ZNF510: variants seen among roughly 807,000 people sequenced by gnomAD.
ZNF510 encodes the protein zinc finger protein 510.
Under a neutral mutation model 18.1 loss-of-function variants are expected in ZNF510, and 15 were observed. The ratio of observed to expected loss-of-function variants is 0.83; its 90% CI spans 0.55 to 1.28. ZNF510 has a LOEUF of 1.28. Ranked by LOEUF, ZNF510 falls within the 50% of genes most tolerant of loss-of-function variation. The pLI, the probability that ZNF510 is intolerant of heterozygous loss-of-function variation, is 0.00. For synonymous variants in ZNF510, 261 were observed against 266.4 expected (o/e 0.98, Z 0.20); for missense variants, 724 against 791.8 (o/e 0.91, Z 1.03).
At chr9:96,776,480 A>G (rs1849706695) in intron 1 of ZNF510, among the ~76,000 whole-genome samples, 1 of 152,122 alleles carries the variant, frequency 6.6e-6, no homozygotes, top group Admixed American at 6.5e-5. Flanking sequence ...TGTGACAATC[A>G]GAAACGTCTC....
intron 5 of ZNF510, 108 bp downstream of exon 5, chr9:96,763,010 T>G (rs1389044039): frequency 1.1e-6 from 1 of 887,530 alleles, no homozygotes; most frequent in African/African-American, 1.6e-5. Flanking sequence ...TTTTTGTGCC[T>G]TTAGGCTTTC....
rs41281908 is a variant in ZNF510, at chr9:96,760,389, T to A, written c.441A>T (p.Thr147=). 3.1e-6 allele frequency: 5 copies of A among 1,613,624 alleles called. No homozygotes were observed. Among genetic ancestry groups the A allele is most frequent in the Admixed American group, 3.3e-5 (2 of 59,984 alleles). Reference sequence around the variant, plus strand: ...AAACTTTCTCTTCCTCTGTAGTCAATGTTTTATTATTGATACATATTGCTT... The same window carrying A: ...AAACTTTCTCTTCCTCTGTAGTCAAAGTTTTATTATTGATACATATTGCTT... ...LEQAICINNK[T]LTTEEEKVLG... The change falls in exon 6 of 6, where the codon ACA becomes ACT. Residue 147 remains threonine, a synonymous_variant. Transcript: ENST00000223428.
chr9:96,767,218 C>T (rs951868700), intron 3 of ZNF510, among the ~76,000 whole-genome samples: 1 of 152,054 alleles, frequency 6.6e-6, no homozygotes, highest in African/African-American at 2.4e-5. Context: ...ATCCCAGCTA[C>T]TCGGGTGTCT....
chr9:96,770,592 A>G (rs1489437573), intron 3 of ZNF510, among the ~76,000 whole-genome samples: 1 of 145,280 alleles, frequency 6.9e-6, no homozygotes, highest in Non-Finnish European at 1.5e-5. Context: ...GACAAGAGCA[A>G]AACTCTGTCT....
chr9:96,769,195 G>A lies in ZNF510; in HGVS notation c.130-5563C>T, dbSNP rs1849536200. On this transcript the variant is annotated intron_variant, in intron 3 of 5. Coordinates refer to ENST00000223428, the MANE Select transcript of ZNF510 (RefSeq NM_014930.3). ...CACACCTGTAATCCCAGCACTTTAG[G>A]AGGCTGAGGCAGACAGATCACTTGA... Among the ~76,000 whole-genome samples, 8 of 152,198 alleles carry A rather than the reference G, an allele frequency of 5.3e-5. No individual in the cohort carries two copies. The South Asian group carries it at 1.7e-3, about 32-fold the overall frequency.
intron 5 of ZNF510, among the ~76,000 whole-genome samples, chr9:96,762,786 T>G (rs1391810276): frequency 1.3e-5 from 2 of 152,220 alleles, no homozygotes; most frequent in Non-Finnish European, 2.9e-5. Flanking sequence ...GTTCAATGTT[T>G]TTGCCCATTT....
chr9:96,760,507 G>A, intron 5 of ZNF510, 30 bp from the exon 6 acceptor site: 1 of 1,552,304 alleles, frequency 6.4e-7, no homozygotes, highest in South Asian at 1.2e-5. Context: ...AACATCTTAT[G>A]ACTCTTACAT....
intron 5 of ZNF510, among the ~76,000 whole-genome samples, chr9:96,762,200 A>C (rs889211663): frequency 3.0e-5 from 4 of 135,370 alleles, no homozygotes; most frequent in African/African-American, 8.7e-5. Flanking sequence ...AAACCTGTGG[A>C]AATTAAAAAA....
At chr9:96,770,206 C>A (rs184774994) in intron 3 of ZNF510, among the ~76,000 whole-genome samples, 1 of 152,236 alleles carries the variant, frequency 6.6e-6, no homozygotes, top group African/African-American at 2.4e-5. Flanking sequence ...TATATCCACA[C>A]AATGGAATAT....
At position 96,756,137 on chromosome 9, in the gene ZNF510, A is replaced by G. The variant is rs982856105; in HGVS notation, c.*2641T>C. 3 of 152,154 alleles carry G rather than the reference A, an allele frequency of 2.0e-5. No individual in the cohort carries two copies. Among genetic ancestry groups the G allele is most frequent in the Admixed American group, 6.5e-5 (1 of 15,286 alleles). The allele number at this position is 152,154 out of a possible 1,614,324, so 9.4% of individuals were successfully genotyped here. On this transcript the variant is annotated 3_prime_UTR_variant, in exon 6 of 6. Transcript: ENST00000223428. Reference sequence around the variant, plus strand: ...TGACTTTTACCCCCACTGTACAAAGAAAGGGTGCTTTTTAATCTGTAATTT... The same window carrying G: ...TGACTTTTACCCCCACTGTACAAAGGAAGGGTGCTTTTTAATCTGTAATTT...
intron 1 of ZNF510, chr9:96,777,472 G>C (rs1206677114): frequency 6.6e-6 from 1 of 152,134 alleles, no homozygotes; most frequent in African/African-American, 2.4e-5. Context: ...AGAATTAAAC[G>C]AAATACTACA....
chr9:96,776,928 T>C (rs2118088309), intron 1 of ZNF510, among the ~76,000 whole-genome samples: 1 of 152,324 alleles, frequency 6.6e-6, no homozygotes, highest in East Asian at 1.9e-4. Context: ...CAGCCTCCAA[T>C]CACATCAACT....
At chr9:96,768,832 A>C (rs1410154185) in intron 3 of ZNF510, among the ~76,000 whole-genome samples, 2 of 152,204 alleles carry the variant, frequency 1.3e-5, no homozygotes, top group Non-Finnish European at 2.9e-5. Context: ...AGAAATGTTG[A>C]ACCTACAATT....
chr9:96,760,122 A>C lies in ZNF510; in HGVS notation c.708T>G (p.Asn236Lys), dbSNP rs61735010. The change falls in exon 6 of 6, where the codon AAT becomes AAG. Residue 236 changes from asparagine to lysine, a missense_variant. Physicochemically the swap from Asn to Lys is moderately conservative, Grantham distance 94 (BLOSUM62 0). Coordinates refer to ENST00000223428, the MANE Select transcript of ZNF510 (RefSeq NM_014930.3). ...GATGCTTGGGAAGATTTTCATTATA[A>C]TTGAGAGCTTTCATGTTTTTATTAT... ...YEHNKNMKALNYNENLPKHPK... is the reference protein window; with the variant it reads ...YEHNKNMKALKYNENLPKHPK... The C allele has an allele frequency of 4.1e-3, 6,596 of 1,609,856 alleles. 26 individuals are homozygous for C. Among genetic ancestry groups the C allele is most frequent in the Admixed American group, 8.6e-3 (507 of 59,088 alleles).
chr9:96,773,768 G>T (rs1317249928), intron 3 of ZNF510, among the ~76,000 whole-genome samples: 1 of 152,114 alleles, frequency 6.6e-6, no homozygotes, highest in Non-Finnish European at 1.5e-5. Flanking sequence ...TAGAGACAGG[G>T]TTTCACCACG....
chr9:96,771,233 A>G (rs1338007834), intron 3 of ZNF510, among the ~76,000 whole-genome samples: 13 of 152,230 alleles, frequency 8.5e-5, no homozygotes, highest in Admixed American at 7.9e-4. Context: ...ATTAATTGAA[A>G]TATTAACAAA....
chr9:96,765,085 C>T (rs1281893107), intron 3 of ZNF510, among the ~76,000 whole-genome samples: 1 of 151,878 alleles, frequency 6.6e-6, no homozygotes, highest in Non-Finnish European at 1.5e-5. Flanking sequence ...TGCACTCCAG[C>T]CTGGGTGACA....
chr9:96,757,916 A>C lies in ZNF510; in HGVS notation c.*862T>G, dbSNP rs1849233938. The C allele has an allele frequency of 6.6e-6, 1 of 152,094 alleles. No individual in the cohort carries two copies. The highest frequency in any genetic ancestry group is 2.4e-5 in the African/African-American group (1 of 41,466). The allele number at this position is 152,094 out of a possible 1,614,324, so 9.4% of individuals were successfully genotyped here. On this transcript the variant is annotated 3_prime_UTR_variant, in exon 6 of 6. Transcript: ENST00000223428. ...TGTCAAGTAAGTGACTAACTGGCAGATAGTGTATACACTGTGGATATGCTA... is the reference window on the plus strand; with the variant it reads ...TGTCAAGTAAGTGACTAACTGGCAGCTAGTGTATACACTGTGGATATGCTA...
At position 96,758,180 on chromosome 9, in the gene ZNF510, C is replaced by T. The variant is rs1164320946; in HGVS notation, c.*598G>A. On this transcript the variant is annotated 3_prime_UTR_variant, in exon 6 of 6. Transcript: ENST00000223428. ...ACATAATGTTCAACTGGGAAAGACA[C>T]AGAAGAGGAGAATTTTGCTGCGTGT... 1 of 152,070 alleles carries T rather than the reference C, an allele frequency of 6.6e-6. No individual in the cohort carries two copies. Among genetic ancestry groups the T allele is most frequent in the Non-Finnish European group, 1.5e-5 (1 of 68,088 alleles). 9.4% of individuals were successfully genotyped at this position (152,070 alleles called of 1,614,324 possible).
Sources: gnomAD v4.1 joint callset for allele counts (sites outside exome capture counted in the v4.1 genomes callset) on GRCh38, gnomAD v4.1.1 for gene constraint, MANE v1.5 for transcripts, NCBI Gene and HGNC (gene_info 2026-07-23, HGNC 2026-07-21) for gene names.